Variants in TLE1 observed in about 807,000 individuals in gnomAD.
The protein encoded by TLE1 is transducin-like enhancer protein 1.
In TLE1, 21 loss-of-function variants were observed where a neutral mutation model predicts 89.8. That is an observed-to-expected ratio of 0.23 (90% CI 0.17 to 0.34). The LOEUF is 0.34. Among genes scored for constraint, TLE1 ranks in the 10% least tolerant of loss-of-function variants. The probability of loss-of-function intolerance (pLI) is 1.00; values close to 1 mark genes in which losing one functional copy is unlikely to be tolerated. For synonymous variants in TLE1, 447 were observed against 407.6 expected (o/e 1.10, Z -1.16); for missense variants, 795 against 1,031.2 (o/e 0.77, Z 3.14).
intron 14 of TLE1, among the ~76,000 whole-genome samples, chr9:81,595,585 A>G (rs935353329): frequency 3.3e-5 from 5 of 152,146 alleles, no homozygotes; most frequent in Admixed American, 6.5e-5. Context: ...CTGGGAGGCC[A>G]AGGCGGGCGG....
chr9:81,687,500 A>C (rs1053210416), intron 1 of TLE1, 66 bp from the exon 2 acceptor site: 2 of 1,226,064 alleles, frequency 1.6e-6, no homozygotes, highest in African/African-American at 3.0e-5. Flanking sequence ...GCAGTAAGTC[A>C]GAGAAGGCAA....
intron 16 of TLE1, among the ~76,000 whole-genome samples, 186 bp from the exon 17 acceptor site, chr9:81,588,014 C>G (rs913168445): frequency 6.6e-6 from 1 of 151,298 alleles, no homozygotes; most frequent in African/African-American, 2.4e-5. Flanking sequence ...GGAAACAGCA[C>G]CTGCGATTGT....
At chr9:81,621,998 G>T (rs1825324211) in intron 8 of TLE1, among the ~76,000 whole-genome samples, 1 of 152,130 alleles carries the variant, frequency 6.6e-6, no homozygotes, top group South Asian at 2.1e-4. Context: ...CACAGTGTTT[G>T]GGGATGAAAG....
intron 14 of TLE1, among the ~76,000 whole-genome samples, chr9:81,596,333 G>T (rs925572055): frequency 6.6e-6 from 1 of 152,126 alleles, no homozygotes; most frequent in Non-Finnish European, 1.5e-5. Flanking sequence ...CAGTCACAGG[G>T]GGCCTCGCAG....
intron 6 of TLE1, among the ~76,000 whole-genome samples, chr9:81,643,511 C>T (rs1021799076): frequency 6.6e-6 from 1 of 152,142 alleles, no homozygotes; most frequent in African/African-American, 2.4e-5. Flanking sequence ...GCTGGGATTA[C>T]AGGCATGAGC....
intron 6 of TLE1, among the ~76,000 whole-genome samples, chr9:81,636,396 A>C (rs2132397349): frequency 7.5e-6 from 1 of 132,882 alleles, no homozygotes; most frequent in South Asian, 2.4e-4. Context: ...GGACTGCCCT[A>C]CCAGCAATTA....
intron 9 of TLE1, among the ~76,000 whole-genome samples, chr9:81,616,993 G>A (rs148848896): frequency 6.6e-6 from 1 of 152,276 alleles, no homozygotes; most frequent in African/African-American, 2.4e-5. Flanking sequence ...TTGGCAGATT[G>A]TAAGAGCTCA....
At chr9:81,685,573 T>C in intron 4 of TLE1, 103 bp downstream of exon 4, 1 of 1,188,320 alleles carries the variant, frequency 8.4e-7, no homozygotes, top group South Asian at 1.4e-5. Flanking sequence ...AAAAATAGCA[T>C]ACAAACCCCC....
intron 4 of TLE1, among the ~76,000 whole-genome samples, chr9:81,669,558 G>A (rs1238273352): frequency 1.3e-5 from 2 of 152,088 alleles, no homozygotes; most frequent in African/African-American, 4.8e-5. Flanking sequence ...AGGGGCATGT[G>A]CCAAAATCTC....
At chr9:81,609,326 C>G (rs1184098097) in intron 14 of TLE1, among the ~76,000 whole-genome samples, 2 of 152,176 alleles carry the variant, frequency 1.3e-5, no homozygotes, top group East Asian at 3.9e-4. Context: ...CTCAGGTGAT[C>G]CACCCGCCTC....
intron 17 of TLE1, among the ~76,000 whole-genome samples, chr9:81,586,744 A>T (rs987144416): frequency 2.6e-5 from 4 of 152,164 alleles, no homozygotes; most frequent in Non-Finnish European, 4.4e-5. Flanking sequence ...ATGCTTGGAC[A>T]TTTGCTGTAC....
chr9:81,595,930 G>A (rs1830146179), intron 14 of TLE1, among the ~76,000 whole-genome samples: 1 of 152,030 alleles, frequency 6.6e-6, no homozygotes, highest in South Asian at 2.1e-4. Flanking sequence ...TGCCATGAGA[G>A]AAATTACACA....
chr9:81,677,496 C>T (rs539256625), intron 4 of TLE1, among the ~76,000 whole-genome samples: 19 of 139,024 alleles, frequency 1.4e-4, no homozygotes, highest in Middle Eastern at 4.0e-3. Context: ...ACCCGGGAGG[C>T]GGAGCTTGCA....
chr9:81,679,202 G>A lies in TLE1; in HGVS notation c.234+6474C>T, dbSNP rs1214314451. Among the ~76,000 whole-genome samples, 10 of 151,996 alleles carry A rather than the reference G, an allele frequency of 6.6e-5. No individual in the cohort carries two copies. In the East Asian group the frequency reaches 1.6e-3, roughly 24 times the overall value. On this transcript the variant is annotated intron_variant, in intron 4 of 19. Coordinates refer to ENST00000376499, the MANE Select transcript of TLE1 (RefSeq NM_005077.5). ...AACATGTAATTTTGCTAAATCACAG[G>A]TTATTTGATAAAATCATATATCAAC...
At chr9:81,636,177 A>G (rs1358319336) in intron 6 of TLE1, among the ~76,000 whole-genome samples, 1 of 152,102 alleles carries the variant, frequency 6.6e-6, no homozygotes, top group African/African-American at 2.4e-5. Flanking sequence ...TGAGATCATA[A>G]TAACAATTTC....
intron 4 of TLE1, among the ~76,000 whole-genome samples, chr9:81,675,549 TTAC>T (rs922793689): frequency 6.6e-6 from 1 of 152,026 alleles, no homozygotes; most frequent in African/African-American, 2.4e-5. Flanking sequence ...CCCAAACATA[TTAC>T]TACAATAAAA....
chr9:81,613,366 C>T lies in TLE1; in HGVS notation c.1063+11G>A, dbSNP rs1166399008. The T allele has an allele frequency of 3.1e-6, 5 of 1,611,928 alleles. No individual in the cohort carries two copies. The highest frequency in any genetic ancestry group is 1.7e-5 in the Admixed American group (1 of 59,514). On this transcript the variant is annotated intron_variant, in intron 12 of 19. Coordinates refer to ENST00000376499, the MANE Select transcript of TLE1 (RefSeq NM_005077.5). Reference sequence around the variant, plus strand: ...AAACCAAACAAAGCACAACAAGAGGCGATGCTGTACCCGCTTGGTTAACGA... The same window carrying T: ...AAACCAAACAAAGCACAACAAGAGGTGATGCTGTACCCGCTTGGTTAACGA...
At chr9:81,595,183 T>G (rs2131863208) in intron 14 of TLE1, among the ~76,000 whole-genome samples, 1 of 152,354 alleles carries the variant, frequency 6.6e-6, no homozygotes, top group South Asian at 2.1e-4. Context: ...ATCTCATTTT[T>G]TATCCAACAG....
chr9:81,648,794 T>G (rs776992588), intron 6 of TLE1, among the ~76,000 whole-genome samples: 34 of 152,076 alleles, frequency 2.2e-4, no homozygotes, highest in Non-Finnish European at 4.3e-4. Context: ...GTTTTGATCA[T>G]TCTTAATAGA....
Sources: allele counts gnomAD v4.1 joint callset (sites outside exome capture counted in the v4.1 genomes callset), GRCh38; gene constraint gnomAD v4.1.1; transcripts MANE v1.5; gene names NCBI Gene and HGNC (gene_info 2026-07-23, HGNC 2026-07-21).